Variants in NID1 observed in about 807,000 individuals in gnomAD.
NID1 encodes nidogen 1, also known as nidogen-1.
NID1 carries 76 observed loss-of-function variants against 130.6 expected under a neutral mutation model. That is an observed-to-expected ratio of 0.58 (90% confidence interval 0.48 to 0.70). NID1 has a LOEUF of 0.70. Ranked by LOEUF, NID1 falls within the 30% of genes least tolerant of loss-of-function variation. NID1 has a pLI of 0.00. For synonymous variants in NID1, 665 were observed against 675.1 expected, an observed-to-expected ratio of 0.98 and a Z score of 0.23; for missense variants, 1,517 against 1,664.8, an observed-to-expected ratio of 0.91 and a Z score of 1.54.
intron 12 of NID1, among the ~76,000 whole-genome samples, chr1:235,995,939 C>T (rs1428413067): frequency 6.6e-6 from 1 of 152,224 alleles, no homozygotes; most frequent in African/African-American, 2.4e-5. Context: ...GAGGGAGGAT[C>T]ACTTGAGTCC....
At chr1:236,024,551 G>A (rs74560999) in intron 8 of NID1, among the ~76,000 whole-genome samples, 6,714 of 152,322 alleles carry the variant, frequency 0.044, 483 homozygotes, top group African/African-American at 0.15. Context: ...CCTTCACCAA[G>A]AATGCACTGA....
chr1:236,027,639 G>A (rs1658977186), intron 7 of NID1, among the ~76,000 whole-genome samples: 1 of 152,134 alleles, frequency 6.6e-6, no homozygotes, highest in Admixed American at 6.5e-5. Flanking sequence ...GACCAGCCTG[G>A]GCAACATGGA....
At chr1:236,031,363 G>T (rs1419417837) in intron 6 of NID1, among the ~76,000 whole-genome samples, 1 of 152,156 alleles carries the variant, frequency 6.6e-6, no homozygotes, top group Non-Finnish European at 1.5e-5. Context: ...TGTGATCCAT[G>T]TGCCTCGGCC....
intron 7 of NID1, among the ~76,000 whole-genome samples, chr1:236,027,081 T>G (rs1658955600): frequency 6.6e-6 from 1 of 152,052 alleles, no homozygotes; most frequent in Non-Finnish European, 1.5e-5. Context: ...GACCAAGCCA[T>G]CCTGCAATAC....
rs1260747861 is a variant in NID1 at position 236,000,578 on chromosome 1, G to A, written c.2528-6706C>T. Among the ~76,000 whole-genome samples the A allele has an allele frequency of 2.0e-5, 3 of 152,292 alleles. No homozygotes were observed. In the East Asian group the frequency reaches 5.8e-4, roughly 29 times the overall value. On this transcript the variant is annotated intron_variant, in intron 12 of 19. Coordinates refer to ENST00000264187, the MANE Select transcript of NID1 (RefSeq NM_002508.3). ...GTCTCCCTAAGATCTATAAAACCAA[G>A]CTGTAGCCTGACCACCTTGGGCATA...
chr1:236,042,620 G>A (rs1231103860), intron 3 of NID1, among the ~76,000 whole-genome samples: 1 of 152,198 alleles, frequency 6.6e-6, no homozygotes, highest in Admixed American at 6.5e-5. Context: ...TACCTTATGA[G>A]CTAAGGTGGC....
rs1300654661 is a variant in NID1 at position 236,025,998 on chromosome 1, G to C, written c.1882C>G (p.Pro628Ala). 8.1e-6 allele frequency: 13 copies of C among 1,613,772 alleles called. No individual in the cohort carries two copies. Among genetic ancestry groups the C allele is most frequent in the Non-Finnish European group, 8.5e-6 (10 of 1,179,980 alleles). The change falls in exon 8 of 20, where the codon CCC becomes GCC. Residue 628 changes from proline to alanine, a missense_variant. By Grantham distance (27) the Pro-to-Ala change is conservative. Coordinates refer to ENST00000264187, the MANE Select transcript of NID1 (RefSeq NM_002508.3). ...TCCACCGAGAGCTGCTGGGTGCTGG[G>C]CAGGGCTGGCCGGGAGTCATCGTGG... ...CVHDDSRPAL[P>A]STQQLSVDSV...
At chr1:235,988,502 G>A (rs532237986) in intron 14 of NID1, among the ~76,000 whole-genome samples, 1 of 152,204 alleles carries the variant, frequency 6.6e-6, no homozygotes, top group Non-Finnish European at 1.5e-5. Flanking sequence ...TAGAATTACT[G>A]TATGATCCAG....
At chr1:235,996,525 C>G (rs1175100717) in intron 12 of NID1, among the ~76,000 whole-genome samples, 1 of 151,968 alleles carries the variant, frequency 6.6e-6, no homozygotes, top group East Asian at 1.9e-4. Context: ...TCACTGCAAC[C>G]TTAACCTCCC....
intron 1 of NID1, 199 bp downstream of exon 1, chr1:236,064,656 G>A (rs1342532023): frequency 1.3e-5 from 8 of 624,156 alleles, no homozygotes; most frequent in Non-Finnish European, 2.3e-5. Context: ...CCCGCGACCC[G>A]CTCTTCGGAT....
chr1:236,032,770 G>A, intron 5 of NID1, 118 bp from the exon 6 acceptor site: 2 of 1,340,104 alleles, frequency 1.5e-6, no homozygotes, highest in Middle Eastern at 2.5e-4. Context: ...AAACAGCACT[G>A]GGGTCAATGG....
intron 9 of NID1, among the ~76,000 whole-genome samples, chr1:236,020,821 C>T (rs558212081): frequency 9.2e-5 from 14 of 152,336 alleles, no homozygotes; most frequent in African/African-American, 2.4e-4. Flanking sequence ...ACTCGCATTC[C>T]ACGGAGGTAA....
chr1:236,023,958 A>G, intron 9 of NID1, 112 bp downstream of exon 9: 2 of 1,398,302 alleles, frequency 1.4e-6, no homozygotes, highest in South Asian at 1.3e-5. Flanking sequence ...GTCCACCAGT[A>G]TTTATCTCAT....
At chr1:236,050,036 A>AG (rs1478374984) in intron 1 of NID1, among the ~76,000 whole-genome samples, 14 of 132,216 alleles carry the variant, frequency 1.1e-4, no homozygotes, top group Admixed American at 2.4e-4. Context: ...ACTTCATCTC[A>AG]GGGGAAAAAA....
intron 12 of NID1, among the ~76,000 whole-genome samples, chr1:236,001,001 C>A (rs1401084708): frequency 3.3e-5 from 5 of 152,164 alleles, no homozygotes; most frequent in Admixed American, 6.5e-5. Context: ...GAGGCAGCTA[C>A]TCCCAGGGCC....
At chr1:236,034,623 A>C (rs1419035167) in intron 5 of NID1, among the ~76,000 whole-genome samples, 2 of 152,174 alleles carry the variant, frequency 1.3e-5, no homozygotes, top group African/African-American at 4.8e-5. Context: ...TGAGGGCTTG[A>C]CAGCGGCTGG....
chr1:236,023,939 G>T, intron 9 of NID1, 131 bp downstream of exon 9: 2 of 1,193,104 alleles, frequency 1.7e-6, no homozygotes, highest in East Asian at 2.4e-5. Context: ...AATAATTCAG[G>T]CCTGGCATGT....
At chr1:235,993,523 C>CGGGGTGAGTGAGAGGGAAGAAGGG (rs1558424454) in intron 13 of NID1, 122 bp downstream of exon 13, 1 of 893,624 alleles carries the variant, frequency 1.1e-6, no homozygotes, top group African/African-American at 2.7e-5. Context: ...GCGGGTGGGG[C>CGGGGTGAGTGAGAGGGAAGAAGGG]TGGAGCCAGT....
intron 4 of NID1, among the ~76,000 whole-genome samples, chr1:236,039,932 T>G (rs776818992): frequency 1.3e-5 from 2 of 152,152 alleles, no homozygotes; most frequent in Non-Finnish European, 1.5e-5. Context: ...AATGCACTAC[T>G]GGCCACAGAA....
Sources: allele counts gnomAD v4.1 joint callset (sites outside exome capture counted in the v4.1 genomes callset), GRCh38; gene constraint gnomAD v4.1.1; transcripts MANE v1.5; gene names NCBI Gene and HGNC (gene_info 2026-07-23, HGNC 2026-07-21).